Variants in RPL28 observed in about 807,000 individuals in gnomAD.
RPL28 encodes the protein large ribosomal subunit protein eL28.
A neutral mutation model predicts 12.5 loss-of-function variants in RPL28; 4 were observed. The observed-to-expected ratio is 0.32, with a 90% CI of 0.16 to 0.73. The LOEUF is 0.73. Among genes scored for constraint, RPL28 ranks in the 30% least tolerant of loss-of-function variants. The pLI is 0.66. For missense variants in RPL28, 214 were observed against 197.7 expected, an observed-to-expected ratio of 1.08 and a Z score of -0.49; for synonymous variants, 91 against 72.5, an observed-to-expected ratio of 1.26 and a Z score of -1.30.
chr19:55,390,636 G>A lies in RPL28; in HGVS notation c.*2304G>A, dbSNP rs929566121. On this transcript the variant is annotated 3_prime_UTR_variant, in exon 5 of 5. Transcript: ENST00000344063. ...CCTATCTGAATCCTCCCTGCTGTGT[G>A]GCCTCCCCTGGTCTCATCCGTAACA... 2.0e-6 allele frequency: 2 copies of A among 985,486 alleles called. No homozygotes were observed. Among genetic ancestry groups the A allele is most frequent in the Non-Finnish European group, 2.4e-6 (2 of 830,086 alleles). The allele number at this position is 985,486 out of a possible 1,614,324, so 61.0% of individuals were successfully genotyped here. A position where few individuals can be genotyped will look rare whatever the true frequency, so the allele number is the denominator to read the frequency against.
chr19:55,390,655 C>T lies in RPL28; in HGVS notation c.*2323C>T, dbSNP rs541928032. 71 of 985,520 alleles carry T rather than the reference C, an allele frequency of 7.2e-5. No homozygotes were observed. The highest frequency in any genetic ancestry group is 7.0e-4 in the African/African-American group (40 of 57,360). 61.0% of individuals were successfully genotyped at this position (985,520 alleles called of 1,614,324 possible). A position where few individuals can be genotyped will look rare whatever the true frequency, so the allele number is the denominator to read the frequency against. On this transcript the variant is annotated 3_prime_UTR_variant, in exon 5 of 5. Transcript: ENST00000344063. ...CTGTGTGGCCTCCCCTGGTCTCATC[C>T]GTAACACAGCCCAGCTTAGTGGGCC...
chr19:55,399,064 T>G (rs905161810), intron 4 of RPL28, among the ~76,000 whole-genome samples: 1 of 152,168 alleles, frequency 6.6e-6, no homozygotes, highest in African/African-American at 2.4e-5. Flanking sequence ...CATAGCTCAC[T>G]GCAGCGTCAA....
intron 1 of RPL28, 128 bp from the exon 2 acceptor site, chr19:55,386,222 C>A: frequency 1.2e-6 from 1 of 823,160 alleles, no homozygotes; most frequent in Non-Finnish European, 2.0e-6. Context: ...CGCTGTCTGC[C>A]CTCAGGGGTC....
downstream of RPL28, chr19:55,403,268 G>T (rs2090074402): frequency 1.7e-6 from 1 of 573,114 alleles, no homozygotes; most frequent in Non-Finnish European, 3.1e-6. Context: ...GAGTTTTACG[G>T]CATGTAAGCT....
At chr19:55,399,759 A>T (rs989706106) in intron 4 of RPL28, 2 of 152,142 alleles carry the variant, frequency 1.3e-5, no homozygotes, top group East Asian at 3.9e-4. Flanking sequence ...GGCAAATATT[A>T]TTTTTATTAT....
At position 55,388,362 on chromosome 19, in the gene RPL28, C is replaced by A; in HGVS notation, c.*30C>A. On this transcript the variant is annotated 3_prime_UTR_variant, in exon 5 of 5. Transcript: ENST00000344063. ...CCTGCCCCCAGAGCAATAAAGTCAG[C>A]TGGCTTTCTCACCTGCCTCGACTGG... is the stretch of plus-strand genomic sequence containing the variant. The A allele has an allele frequency of 6.8e-7, 1 of 1,460,594 alleles. No homozygotes were observed. 90.5% of individuals were successfully genotyped at this position (1,460,594 alleles called of 1,614,324 possible).
chr19:55,398,454 C>T (rs1001327065), intron 4 of RPL28, among the ~76,000 whole-genome samples: 6 of 152,292 alleles, frequency 3.9e-5, no homozygotes, highest in Non-Finnish European at 5.9e-5. Context: ...CCTAGTGCTC[C>T]GCCACCTTGC....
rs566536354 is a variant in RPL28 at position 55,389,371 on chromosome 19, G to C, written c.*1039G>C. Reference sequence around the variant, plus strand: ...ATGACACACAGTGAGGCCTGGATGGGGAAAGAGTCCTGCTGTTGATCCTCA... The same window carrying C: ...ATGACACACAGTGAGGCCTGGATGGCGAAAGAGTCCTGCTGTTGATCCTCA... On this transcript the variant is annotated 3_prime_UTR_variant, in exon 5 of 5. Coordinates refer to ENST00000344063, the MANE Select transcript of RPL28 (RefSeq NM_000991.5). 6.4e-4 allele frequency: 632 copies of C among 985,168 alleles called. No individual in the cohort carries two copies. Among genetic ancestry groups the C allele is most frequent in the Non-Finnish European group, 7.3e-4 (608 of 829,878 alleles). 61.0% of individuals were successfully genotyped at this position (985,168 alleles called of 1,614,324 possible). A position where few individuals can be genotyped will look rare whatever the true frequency, so the allele number is the denominator to read the frequency against.
intron 3 of RPL28, 191 bp from the exon 4 acceptor site, chr19:55,387,739 G>A: frequency 6.9e-7 from 1 of 1,443,934 alleles, no homozygotes; most frequent in Non-Finnish European, 9.0e-7. Context: ...TGTGTCCTCA[G>A]TACTCCGTGA....
chr19:55,398,191 G>A (rs1171185791), intron 4 of RPL28, among the ~76,000 whole-genome samples: 2 of 150,620 alleles, frequency 1.3e-5, no homozygotes, highest in Non-Finnish European at 2.9e-5. Context: ...GCGAAACTCT[G>A]TCTCAAAAAA....
chr19:55,385,957 C>G lies in RPL28; in HGVS notation c.-17C>G, dbSNP rs531792859. 2.9e-5 allele frequency: 7 copies of G among 245,388 alleles called. No homozygotes were observed. Among genetic ancestry groups the G allele is most frequent in the South Asian group, 1.8e-4 (4 of 21,804 alleles). The allele number at this position is 245,388 out of a possible 1,614,324, so 15.2% of individuals were successfully genotyped here. ...CTCTTTCCGTCTCAGGTCGCCGCTG[C>G]GAAGGGAGGTGAGCGTTCGTCTTCC... On this transcript the variant is annotated 5_prime_UTR_variant, in exon 1 of 5. Coordinates refer to ENST00000344063, the MANE Select transcript of RPL28 (RefSeq NM_000991.5).
rs1295919458 is a variant in RPL28 at position 55,386,565 on chromosome 19, C to T, written c.82-5C>T. On this transcript the variant is annotated splice_region_variant and splice_polypyrimidine_tract_variant and intron_variant, in intron 2 of 4. Coordinates refer to ENST00000344063, the MANE Select transcript of RPL28 (RefSeq NM_000991.5). ...TCACGATGCCTTGTGCCGCCTCCTT[C>T]CCAGGAGCCCAATAACTTGAAGGCC... The T allele has an allele frequency of 6.2e-7, 1 of 1,603,290 alleles. No individual in the cohort carries two copies. The highest frequency in any genetic ancestry group is 1.3e-5 in the African/African-American group (1 of 74,806).
chr19:55,396,715 G>C (rs1176566856), downstream of RPL28, among the ~76,000 whole-genome samples: 2 of 147,594 alleles, frequency 1.4e-5, no homozygotes, highest in Non-Finnish European at 3.0e-5. Flanking sequence ...CGAGTAACTG[G>C]GACTACAGGT....
In RPL28 at chr19:55,388,475, C is replaced by T. The variant is rs1310406290; in HGVS notation, c.*143C>T. 7.4e-7 allele frequency: 1 copy of T among 1,344,790 alleles called. No individual in the cohort carries two copies. Among genetic ancestry groups the T allele is most frequent in the Non-Finnish European group, 9.6e-7 (1 of 1,043,210 alleles). 83.3% of individuals were successfully genotyped at this position (1,344,790 alleles called of 1,614,324 possible). ...ATCAAAACTCTGCATGTCACCTTGT[C>T]CATCTGGAGGTGATGTCAATGGCTG... On this transcript the variant is annotated 3_prime_UTR_variant, in exon 5 of 5. Transcript: ENST00000344063.
chr19:55,392,450 C>T (rs1383225761), downstream of RPL28, among the ~76,000 whole-genome samples: 1 of 152,090 alleles, frequency 6.6e-6, no homozygotes, highest in Non-Finnish European at 1.5e-5. Context: ...CCAGGCTGGT[C>T]CTGAAGTCCT....
chr19:55,396,827 G>A (rs184412682), downstream of RPL28, among the ~76,000 whole-genome samples: 924 of 151,148 alleles, frequency 6.1e-3, 10 homozygotes, highest in African/African-American at 0.021. Flanking sequence ...TGATCCGCCC[G>A]CCTTGGCCTC....
Position 55,391,786 on chromosome 19 carries a change from G to T in RPL28, c.*3454G>T. The T allele has an allele frequency of 8.6e-7, 1 of 1,162,058 alleles. No homozygotes were observed. Among genetic ancestry groups the T allele is most frequent in the South Asian group, 1.5e-5 (1 of 66,820 alleles). The allele number at this position is 1,162,058 out of a possible 1,614,324, so 72.0% of individuals were successfully genotyped here. A position where few individuals can be genotyped will look rare whatever the true frequency, so the allele number is the denominator to read the frequency against. On this transcript the variant is annotated 3_prime_UTR_variant, in exon 5 of 5. Coordinates refer to ENST00000344063, the MANE Select transcript of RPL28 (RefSeq NM_000991.5). ...TTTTTATAAATATTTTGATCAGATG[G>T]ACTCATGATCACAGATGTCTTCACA...
rs2089964291 is a variant in RPL28, at chr19:55,389,059, CCT to C, written c.*728_*729del. On this transcript the variant is annotated 3_prime_UTR_variant, in exon 5 of 5. Transcript: ENST00000344063. Reference sequence around the variant, plus strand: ...ATCTCAGTGGCCGCTCCTGGGCCACCCTGTCACCCAAGCTTTCCTGATTGCCC... The same window carrying C: ...ATCTCAGTGGCCGCTCCTGGGCCACCGTCACCCAAGCTTTCCTGATTGCCC... 1.9e-5 allele frequency: 19 copies of C among 985,416 alleles called. No individual in the cohort carries two copies. The highest frequency in any genetic ancestry group is 2.2e-5 in the Non-Finnish European group (18 of 830,014). 61.0% of individuals were successfully genotyped at this position (985,416 alleles called of 1,614,324 possible).
intron 4 of RPL28, among the ~76,000 whole-genome samples, chr19:55,399,141 C>T (rs965231881): frequency 1.3e-5 from 2 of 151,614 alleles, no homozygotes; most frequent in Non-Finnish European, 2.9e-5. Flanking sequence ...CGCACACTAC[C>T]ATGCCTGGCT....
Sources: allele counts gnomAD v4.1 joint callset (sites outside exome capture counted in the v4.1 genomes callset), GRCh38; gene constraint gnomAD v4.1.1; transcripts MANE v1.5; gene names NCBI Gene and HGNC (gene_info 2026-07-23, HGNC 2026-07-21).